Variants in PLCB4 observed in about 807,000 individuals in gnomAD.
PLCB4 encodes the protein 1-phosphatidylinositol 4,5-bisphosphate phosphodiesterase beta-4.
PLCB4 carries 77 observed loss-of-function variants against 178.8 expected under a neutral mutation model. The ratio of observed to expected loss-of-function variants is 0.43; its 90% CI spans 0.36 to 0.52. PLCB4 has a LOEUF of 0.52. Among genes scored for constraint, PLCB4 ranks in the 20% least tolerant of loss-of-function variants. The probability of loss-of-function intolerance (pLI) is 0.00; values close to 1 mark genes in which losing one functional copy is unlikely to be tolerated. For synonymous variants in PLCB4, 496 were observed against 490.8 expected (o/e 1.01, Z -0.14); for missense variants, 1,024 against 1,453.4 (o/e 0.70, Z 4.80).
At chr20:9,175,597 C>T (rs1600905184) in intron 2 of PLCB4, among the ~76,000 whole-genome samples, 1 of 152,214 alleles carries the variant, frequency 6.6e-6, no homozygotes, top group African/African-American at 2.4e-5. Flanking sequence ...ATTTATTCCT[C>T]TTAGGTCCGT....
rs1459971606 is a variant in PLCB4 at position 9,338,049 on chromosome 20, G to A, written c.207G>A (p.Arg69=). 1.2e-6 allele frequency: 2 copies of A among 1,611,206 alleles called. No homozygotes were observed. Among genetic ancestry groups the A allele is most frequent in the Non-Finnish European group, 1.7e-6 (2 of 1,177,684 alleles). The change falls in exon 6 of 40, where the codon CGG becomes CGA. Residue 69 remains arginine, a synonymous_variant. Coordinates refer to ENST00000378473, the MANE Select transcript of PLCB4 (RefSeq NM_001377142.1). Reference sequence around the variant, plus strand: ...AATGCTCCCTCATCAACAGTATTCGGTCGGGAGCCATACCAAAGGTACCTG... The same window carrying A: ...AATGCTCCCTCATCAACAGTATTCGATCGGGAGCCATACCAAAGGTACCTG... The part of the protein sequence containing the change: ...VLECSLINSI[R]SGAIPKDPKI...
intron 2 of PLCB4, among the ~76,000 whole-genome samples, chr20:9,209,167 A>T (rs1183794171): frequency 6.6e-6 from 1 of 152,166 alleles, no homozygotes; most frequent in Admixed American, 6.5e-5. Flanking sequence ...ATAGATTTAG[A>T]ACTTGGTAGA....
intron 2 of PLCB4, among the ~76,000 whole-genome samples, chr20:9,210,921 T>G (rs1365738264): frequency 6.6e-6 from 1 of 152,122 alleles, no homozygotes. Flanking sequence ...GCTCAATAAA[T>G]ATTGTAGCAC....
intron 2 of PLCB4, among the ~76,000 whole-genome samples, chr20:9,146,182 C>T (rs2092595544): frequency 1.3e-5 from 2 of 152,136 alleles, no homozygotes; most frequent in African/African-American, 2.4e-5. Flanking sequence ...ATCAAAACTA[C>T]AATTCTTGAA....
Position 9,230,398 on chromosome 20 carries a change from C to T in PLCB4, c.-16+12946C>T, listed in dbSNP as rs186048890. 1.1e-3 allele frequency among the ~76,000 whole-genome samples: 167 copies of T among 152,060 alleles called. No individual in the cohort carries two copies. The Middle Eastern group carries it at 0.037, about 34-fold the overall frequency. On this transcript the variant is annotated intron_variant, in intron 3 of 39. Coordinates refer to ENST00000378473, the MANE Select transcript of PLCB4 (RefSeq NM_001377142.1). ...GGGGTAAAGGAGAACATAGGTAAAG[C>T]AGGAACTAAGAACCAGAAAAGTGGG...
intron 4 of PLCB4, among the ~76,000 whole-genome samples, chr20:9,310,362 T>C (rs997249624): frequency 1.3e-5 from 2 of 152,090 alleles, no homozygotes; most frequent in Non-Finnish European, 2.9e-5. Context: ...ATAACTAACG[T>C]TATCATCATG....
At chr20:9,350,904 G>A (rs2034274895) in intron 7 of PLCB4, among the ~76,000 whole-genome samples, 1 of 152,130 alleles carries the variant, frequency 6.6e-6, no homozygotes, top group Non-Finnish European at 1.5e-5. Flanking sequence ...GCAGGGAGTG[G>A]GGGGAACAGC....
At chr20:9,237,256 ATGTTTAAACGACTATATGCTTG>A (rs2094003750) in intron 3 of PLCB4, among the ~76,000 whole-genome samples, 1 of 152,060 alleles carries the variant, frequency 6.6e-6, no homozygotes. Context: ...GTGCATACGT[ATGTTTAAACGACTATATGCTTG>A]TCACACACAT....
chr20:9,378,082 A>G (rs2036826652), intron 12 of PLCB4, among the ~76,000 whole-genome samples: 1 of 152,140 alleles, frequency 6.6e-6, no homozygotes, highest in South Asian at 2.1e-4. Flanking sequence ...TTGTCAGAAT[A>G]AACACATGTA....
intron 32 of PLCB4, among the ~76,000 whole-genome samples, chr20:9,445,821 A>C (rs1394378774): frequency 6.6e-6 from 1 of 152,258 alleles, no homozygotes; most frequent in Non-Finnish European, 1.5e-5. Flanking sequence ...AGAATGAGAA[A>C]TAAGAGAGAA....
intron 7 of PLCB4, among the ~76,000 whole-genome samples, chr20:9,345,524 C>T (rs979280772): frequency 1.3e-4 from 20 of 152,178 alleles, no homozygotes; most frequent in South Asian, 6.2e-4. Flanking sequence ...AGTCACTAGA[C>T]GTAAGATGGA....
At chr20:9,419,682 C>G in intron 25 of PLCB4, 125 bp from the exon 26 acceptor site, 1 of 704,714 alleles carries the variant, frequency 1.4e-6, no homozygotes, top group Admixed American at 2.0e-5. Flanking sequence ...TCCTTAGGAC[C>G]CTCTGCCTAA....
chr20:9,274,841 AC>A, intron 3 of PLCB4, among the ~76,000 whole-genome samples: 1 of 152,112 alleles, frequency 6.6e-6, no homozygotes, highest in East Asian at 1.9e-4. Flanking sequence ...TAAAATTCCT[AC>A]CTTGTTTAAA....
At chr20:9,277,328 A>G (rs566967479) in intron 3 of PLCB4, among the ~76,000 whole-genome samples, 1 of 152,218 alleles carries the variant, frequency 6.6e-6, no homozygotes, top group African/African-American at 2.4e-5. Context: ...AAAACAGAGG[A>G]AAAGCGAACT....
At chr20:9,118,921 T>C (rs1316599968) in intron 2 of PLCB4, among the ~76,000 whole-genome samples, 1 of 152,206 alleles carries the variant, frequency 6.6e-6, no homozygotes, top group Non-Finnish European at 1.5e-5. Context: ...TCTCATGTGC[T>C]CTGAGCATCT....
At chr20:9,190,266 G>T (rs1187653209) in intron 2 of PLCB4, among the ~76,000 whole-genome samples, 1 of 152,072 alleles carries the variant, frequency 6.6e-6, no homozygotes, top group Admixed American at 6.6e-5. Context: ...ATCTCAAATT[G>T]TAATCCCCAC....
chr20:9,430,982 T>C (rs1002045862), intron 28 of PLCB4, among the ~76,000 whole-genome samples: 1 of 152,234 alleles, frequency 6.6e-6, no homozygotes, highest in Non-Finnish European at 1.5e-5. Flanking sequence ...GGCAATCGAA[T>C]GTACAGTTGT....
At chr20:9,223,591 GTCTC>G (rs1272311558) in intron 3 of PLCB4, among the ~76,000 whole-genome samples, 4 of 152,152 alleles carry the variant, frequency 2.6e-5, no homozygotes, top group Non-Finnish European at 5.9e-5. Context: ...TTTCTATGTG[GTCTC>G]TCTTCATGGG....
chr20:9,128,092 A>G (rs1331440219), intron 2 of PLCB4, among the ~76,000 whole-genome samples: 1 of 152,174 alleles, frequency 6.6e-6, no homozygotes, highest in Non-Finnish European at 1.5e-5. Context: ...TGTTTGGATC[A>G]TGGGCACGGA....
Sources: gnomAD v4.1 joint callset for allele counts (sites outside exome capture counted in the v4.1 genomes callset) on GRCh38, gnomAD v4.1.1 for gene constraint, MANE v1.5 for transcripts, NCBI Gene and HGNC (gene_info 2026-07-23, HGNC 2026-07-21) for gene names.